TRPV4: variants seen among roughly 807,000 people sequenced by gnomAD.
TRPV4 encodes OSM9-like transient receptor potential channel 4.
In TRPV4, 58 loss-of-function variants were observed where a neutral mutation model predicts 84.1. That is an observed-to-expected ratio of 0.69 (90% CI 0.56 to 0.86). The LOEUF (loss-of-function observed/expected upper bound fraction) is 0.86, where lower values mean the gene tolerates loss of function less well. TRPV4 is among the 40% of genes least tolerant of loss of function. TRPV4 has a pLI of 0.00. For synonymous variants in TRPV4, 489 were observed against 500.9 expected (o/e 0.98, Z 0.32); for missense variants, 879 against 1,181.1 (o/e 0.74, Z 3.75).
intron 1 of TRPV4, among the ~76,000 whole-genome samples, chr12:109,828,491 G>C (rs1299280146): frequency 6.6e-6 from 1 of 152,216 alleles, no homozygotes; most frequent in Non-Finnish European, 1.5e-5. Flanking sequence ...CGAGGTTGAA[G>C]GAGCCCAGGC....
Position 109,816,956 on chromosome 12 carries a change from A to G in TRPV4, c.-31-2129T>C, listed in dbSNP as rs142222881. Among the ~76,000 whole-genome samples, 1,384 of 152,304 alleles carry G rather than the reference A, an allele frequency of 9.1e-3. 27 individuals are homozygous for G. Among genetic ancestry groups the G allele is most frequent in the African/African-American group, 0.031 (1,305 of 41,550 alleles). On this transcript the variant is annotated intron_variant, in intron 1 of 15. Coordinates refer to ENST00000261740, the MANE Select transcript of TRPV4 (RefSeq NM_021625.5). The stretch of plus-strand genomic sequence containing the variant: ...GGTCATTAGCCGTTTGACCATGGGC[A>G]AATCACTTCCTCTGTCTGCCCCGTG...
chr12:109,788,472 G>A lies in TRPV4; in HGVS notation c.2136C>T (p.Asn712=), dbSNP rs959967236. The A allele has an allele frequency of 1.2e-6, 2 of 1,614,120 alleles. No homozygotes were observed. Among genetic ancestry groups the A allele is most frequent in the African/African-American group, 1.3e-5 (1 of 74,952 alleles). ...YIILTFVLLL[N]MLIALMGETV... ...TCTCGCCCATGAGGGCAATGAGCAT[G>A]TTGAGGAGCAGCACAAAGGTGAGGA... The change falls in exon 13 of 16, where the codon AAC becomes AAT. Residue 712 remains asparagine (N), a synonymous_variant. Transcript: ENST00000261740.
In TRPV4 at chr12:109,820,513, C is replaced by CTTTTTTTTTTTTTT. The variant is rs1245573219; in HGVS notation, c.-31-5687_-31-5686insAAAAAAAAAAAAAA. 1.8e-4 allele frequency among the ~76,000 whole-genome samples: 19 copies of CTTTTTTTTTTTTTT among 106,800 alleles called. 1 individual carries two copies. Among genetic ancestry groups the CTTTTTTTTTTTTTT allele is most frequent in the South Asian group, 5.7e-4 (2 of 3,484 alleles). 70.1% of individuals were successfully genotyped at this position (106,800 alleles called of 152,430 possible). A position where few individuals can be genotyped will look rare whatever the true frequency, so the allele number is the denominator to read the frequency against. ...TCTGATCTTCACTTTCTTCAGCTGC[C>CTTTTTTTTTTTTTT]CTATTTTTTTTTTTTTTTTTTTTTT... On this transcript the variant is annotated intron_variant, in intron 1 of 15. Transcript: ENST00000261740.
At position 109,796,588 on chromosome 12, in the gene TRPV4, G is replaced by A. The variant is rs1222875216; in HGVS notation, c.1269C>T (p.Ser423=). The A allele has an allele frequency of 1.9e-6, 3 of 1,614,082 alleles. No homozygotes were observed. In the Admixed American group the frequency reaches 5.0e-5, roughly 27 times the overall value. The change falls in exon 7 of 16, where the codon TCC becomes TCT. Residue 423 remains serine, a synonymous_variant. Coordinates refer to ENST00000261740, the MANE Select transcript of TRPV4 (RefSeq NM_021625.5). The surrounding 1 kb of genome is among the most constrained non-coding windows in gnomAD (Gnocchi z 4.2). The stretch of plus-strand genomic sequence containing the variant: ...AGGCCTCTTCCCCACACGTGTCCAG[G>A]GAGGAGAGGTCATAAAGCGAGGAAT... ...PVYSSLYDLS[S]LDTCGEEASV...
At chr12:109,826,971 A>C (rs1320841081) in intron 1 of TRPV4, among the ~76,000 whole-genome samples, 3 of 152,186 alleles carry the variant, frequency 2.0e-5, no homozygotes, top group African/African-American at 7.2e-5. Flanking sequence ...TGAGGCCCAG[A>C]TGCCTGGAAC....
At chr12:109,792,507 C>T (rs1398097903) in intron 11 of TRPV4, 78 bp from the exon 12 acceptor site, 2 of 1,581,830 alleles carry the variant, frequency 1.3e-6, no homozygotes, top group South Asian at 1.1e-5. Context: ...CATCTCCACC[C>T]TGGTCCCACC....
Position 109,818,516 on chromosome 12 carries a change from G to A in TRPV4, c.-31-3689C>T, listed in dbSNP as rs147093239. On this transcript the variant is annotated intron_variant, in intron 1 of 15. Coordinates refer to ENST00000261740, the MANE Select transcript of TRPV4 (RefSeq NM_021625.5). The stretch of plus-strand genomic sequence containing the variant: ...GTGATGGAGTACCAGGGTACCACCC[G>A]AGCGCTTACAGTGTCTCCTTCAAGC... Among the ~76,000 whole-genome samples, 7 of 152,162 alleles carry A rather than the reference G, an allele frequency of 4.6e-5. 1 individual carries two copies. In the East Asian group the frequency reaches 1.4e-3, roughly 29 times the overall value.
chr12:109,826,100 T>C lies in TRPV4; in HGVS notation c.-32+7250A>G, dbSNP rs183053630. Reference sequence around the variant, plus strand: ...GTGCAGTGGCACAATCATAGCTCACTGCAGCCTCGACCTCCCAGGCTCAAG... The same window carrying C: ...GTGCAGTGGCACAATCATAGCTCACCGCAGCCTCGACCTCCCAGGCTCAAG... On this transcript the variant is annotated intron_variant, in intron 1 of 15. Coordinates refer to ENST00000261740, the MANE Select transcript of TRPV4 (RefSeq NM_021625.5). 2.2e-3 allele frequency among the ~76,000 whole-genome samples: 329 copies of C among 152,322 alleles called. 1 individual carries two copies. The highest frequency in any genetic ancestry group is 3.6e-3 in the Non-Finnish European group (247 of 68,022).
At position 109,814,625 on chromosome 12, in the gene TRPV4, C is replaced by G; in HGVS notation, c.172G>C (p.Ala58Pro). 6.2e-7 allele frequency: 1 copy of G among 1,613,982 alleles called. No individual in the cohort carries two copies. The highest frequency in any genetic ancestry group is 8.5e-7 in the Non-Finnish European group (1 of 1,179,998). ...SPSPADASRP[A>P]GPGDGRPNLR... ...TTTGGTCGCCCATCGCCTGGGCCAG[C>G]AGGGCGACTGGCATCAGCCGGTGAG... The change falls in exon 2 of 16, where the codon GCT (alanine) becomes CCT (proline). Residue 58 changes from alanine (A) to proline (P), a missense_variant. Coordinates refer to ENST00000261740, the MANE Select transcript of TRPV4 (RefSeq NM_021625.5). This position sits in a 1 kb window ranked among gnomAD's most constrained non-coding sequence, Gnocchi z 5.4.
chr12:109,820,608 C>T (rs111272111), intron 1 of TRPV4, among the ~76,000 whole-genome samples: 10 of 149,602 alleles, frequency 6.7e-5, no homozygotes, highest in Middle Eastern at 3.4e-3. Context: ...CTGCAAGCTC[C>T]GCCTCCCGGG....
rs947685079 is a variant in TRPV4, at chr12:109,814,255, G to A, written c.386+156C>T. Among the ~76,000 whole-genome samples, 1 of 151,594 alleles carries A rather than the reference G, an allele frequency of 6.6e-6. No homozygotes were observed. The highest frequency in any genetic ancestry group is 2.4e-5 in the African/African-American group (1 of 41,276). ...ACGGATGATATATGGATAGGGAGATGAATAGATGGATGGATAGATGTATGG... is the reference window on the plus strand; with the variant it reads ...ACGGATGATATATGGATAGGGAGATAAATAGATGGATGGATAGATGTATGG... On this transcript the variant is annotated intron_variant, in intron 2 of 15. Transcript: ENST00000261740. This position sits in a 1 kb window ranked among gnomAD's most constrained non-coding sequence, Gnocchi z 5.4.
rs1229193395 is a variant in TRPV4 at position 109,814,200 on chromosome 12, G to A, written c.386+211C>T. ...TGTGTGGATGGTTGGATGGATGGAC[G>A]AATAGATGGGTGGTTGGATGGATGG... On this transcript the variant is annotated intron_variant, in intron 2 of 15. Transcript: ENST00000261740. This position sits in a 1 kb window ranked among gnomAD's most constrained non-coding sequence, Gnocchi z 5.4. Among the ~76,000 whole-genome samples the A allele has an allele frequency of 1.3e-5, 2 of 151,378 alleles. No individual in the cohort carries two copies. Among genetic ancestry groups the A allele is most frequent in the Non-Finnish European group, 2.9e-5 (2 of 67,812 alleles).
intron 1 of TRPV4, among the ~76,000 whole-genome samples, chr12:109,829,023 A>G (rs1892342229): frequency 6.6e-6 from 1 of 152,086 alleles, no homozygotes; most frequent in South Asian, 2.1e-4. Flanking sequence ...CTGTCTGAAA[A>G]AAACCTTTTT....
chr12:109,803,458 CT>C (rs1034397283), intron 3 of TRPV4, among the ~76,000 whole-genome samples: 10 of 151,576 alleles, frequency 6.6e-5, no homozygotes, highest in South Asian at 2.1e-4. Flanking sequence ...TATTAATATC[CT>C]TTTTTTTGAG....
At chr12:109,806,107 C>T (rs553012157) in intron 3 of TRPV4, among the ~76,000 whole-genome samples, 2 of 152,260 alleles carry the variant, frequency 1.3e-5, no homozygotes. Context: ...GCCCCGTCCT[C>T]CCACAGCTCT....
At chr12:109,803,868 A>T (rs1299760293) in intron 3 of TRPV4, among the ~76,000 whole-genome samples, 1 of 152,224 alleles carries the variant, frequency 6.6e-6, no homozygotes, top group Non-Finnish European at 1.5e-5. Context: ...AGCCTTTCAT[A>T]CACTAACAGG....
rs199748756 is a variant in TRPV4, at chr12:109,808,360, G to A, written c.495C>T (p.Asp165=). The A allele has an allele frequency of 3.7e-6, 6 of 1,614,208 alleles. No homozygotes were observed. Among genetic ancestry groups the A allele is most frequent in the Non-Finnish European group, 5.1e-6 (6 of 1,180,038 alleles). ...GCAAGAATGGGAGCAGCCCGTCCAGGTCAGCAGTGGAGCCCCGGGACACGA... is the reference window on the plus strand; with the variant it reads ...GCAAGAATGGGAGCAGCCCGTCCAGATCAGCAGTGGAGCCCCGGGACACGA... ...FDIVSRGSTA[D]LDGLLPFLLT... The change falls in exon 3 of 16, where the codon GAC becomes GAT. Residue 165 remains aspartate (D), a synonymous_variant. Coordinates refer to ENST00000261740, the MANE Select transcript of TRPV4 (RefSeq NM_021625.5).
chr12:109,813,801 GAA>G (rs1289522077), intron 2 of TRPV4, among the ~76,000 whole-genome samples: 1 of 151,832 alleles, frequency 6.6e-6, no homozygotes, highest in Non-Finnish European at 1.5e-5. Flanking sequence ...TGGACATATG[GAA>G]TGATGAATAG....
At chr12:109,824,753 T>C (rs1445248193) in intron 1 of TRPV4, among the ~76,000 whole-genome samples, 1 of 77,132 alleles carries the variant, frequency 1.3e-5, no homozygotes, top group African/African-American at 6.7e-5. Context: ...CGAGACTCCA[T>C]CTCAACAAAA....
Sources: gnomAD v4.1 joint callset for allele counts (sites outside exome capture counted in the v4.1 genomes callset) on GRCh38, gnomAD v4.1.1 for gene constraint, Gnocchi (gnomAD v3.1) non-coding constraint, MANE v1.5 for transcripts, NCBI Gene and HGNC (gene_info 2026-07-23, HGNC 2026-07-21) for gene names.